Variants in DLG2 observed in about 807,000 individuals in gnomAD.
The protein encoded by DLG2 is disks large homolog 2.
In DLG2, 45 loss-of-function variants were observed where a neutral mutation model predicts 132.5. The ratio of observed to expected loss-of-function variants is 0.34; its 90% confidence interval spans 0.27 to 0.44. The LOEUF (loss-of-function observed/expected upper bound fraction) is 0.44, where lower values mean the gene tolerates loss of function less well. Among genes scored for constraint, DLG2 ranks in the 20% least tolerant of loss-of-function variants. The pLI is 1.00. For synonymous variants in DLG2, 424 were observed against 419.6 expected (o/e 1.01, Z -0.13); for missense variants, 1,045 against 1,196.9 (o/e 0.87, Z 1.87).
intron 18 of DLG2, among the ~76,000 whole-genome samples, chr11:83,673,689 AATGGTGGGTATCAT>A (rs1405869930): frequency 1.3e-5 from 2 of 152,298 alleles, no homozygotes; most frequent in Middle Eastern, 3.4e-3. Flanking sequence ...CATTGTGGGA[AATGGTGGGTATCAT>A]ATGTGCTGTC....
chr11:85,023,070 C>T (rs577505855), intron 6 of DLG2, among the ~76,000 whole-genome samples: 16 of 151,926 alleles, frequency 1.1e-4, no homozygotes, highest in South Asian at 1.0e-3. Flanking sequence ...TAAACAACAT[C>T]GATACTAAAA....
chr11:85,193,368 A>C (rs547226083), intron 4 of DLG2, among the ~76,000 whole-genome samples: 39 of 152,358 alleles, frequency 2.6e-4, no homozygotes, highest in African/African-American at 9.1e-4. Flanking sequence ...TAATGCTGCT[A>C]TGAACATTCA....
chr11:85,383,882 C>A (rs779130261), intron 3 of DLG2, among the ~76,000 whole-genome samples: 3 of 152,136 alleles, frequency 2.0e-5, no homozygotes, highest in Non-Finnish European at 4.4e-5. Context: ...CTTGAAAACA[C>A]CTCAGGCTTT....
In DLG2 at chr11:84,886,086, A is replaced by C. The variant is rs577102016; in HGVS notation, c.357+225575T>G. Among the ~76,000 whole-genome samples, 8 of 152,254 alleles carry C rather than the reference A, an allele frequency of 5.3e-5. No homozygotes were observed. In the East Asian group the frequency reaches 9.7e-4, roughly 18 times the overall value. Reference sequence around the variant, plus strand: ...GACTCACAAACACAAAAATCCCTTAAAGGAGTTTCAAAGAAGGGGAGGCAA... The same window carrying C: ...GACTCACAAACACAAAAATCCCTTACAGGAGTTTCAAAGAAGGGGAGGCAA... On this transcript the variant is annotated intron_variant, in intron 6 of 27. Transcript: ENST00000376104.
Position 84,748,067 on chromosome 11 carries a change from T to C in DLG2, c.358-213336A>G, listed in dbSNP as rs191754594. Among the ~76,000 whole-genome samples, 470 of 152,322 alleles carry C rather than the reference T, an allele frequency of 3.1e-3. 3 individuals are homozygous for C. The highest frequency in any genetic ancestry group is 4.4e-3 in the Non-Finnish European group (296 of 68,024). ...CTGCAACCAGTTTCCTGTGGTTTCT[T>C]GAGTAGAATCAAAGACACCTGACAG... On this transcript the variant is annotated intron_variant, in intron 6 of 27. Transcript: ENST00000376104.
At chr11:85,436,587 C>T (rs1248639789) in intron 3 of DLG2, among the ~76,000 whole-genome samples, 1 of 152,088 alleles carries the variant, frequency 6.6e-6, no homozygotes, top group Non-Finnish European at 1.5e-5. Flanking sequence ...TAGAGAAATG[C>T]AAATCCAAAC....
chr11:85,203,049 T>C (rs1192765726), intron 4 of DLG2, among the ~76,000 whole-genome samples: 2 of 150,308 alleles, frequency 1.3e-5, no homozygotes, highest in African/African-American at 4.9e-5. Context: ...AAATTTATTA[T>C]TTAATAATAA....
At chr11:84,372,218 C>A (rs1210612960) in intron 7 of DLG2, among the ~76,000 whole-genome samples, 1 of 152,162 alleles carries the variant, frequency 6.6e-6, no homozygotes, top group Non-Finnish European at 1.5e-5. Flanking sequence ...ATTCAGAAAG[C>A]ATCTGAAGTG....
chr11:84,574,419 T>C (rs887049173), intron 6 of DLG2, among the ~76,000 whole-genome samples: 4 of 152,180 alleles, frequency 2.6e-5, no homozygotes, highest in Non-Finnish European at 4.4e-5. Context: ...ATGTCAATGT[T>C]TACCTGTTTA....
intron 6 of DLG2, among the ~76,000 whole-genome samples, chr11:85,024,369 C>T (rs1297330726): frequency 1.3e-5 from 2 of 152,182 alleles, no homozygotes; most frequent in East Asian, 1.9e-4. Flanking sequence ...TCAAGGTAAA[C>T]GGCACCAAAA....
intron 6 of DLG2, among the ~76,000 whole-genome samples, chr11:84,584,596 C>A (rs2099524554): frequency 6.7e-6 from 1 of 149,558 alleles, no homozygotes; most frequent in African/African-American, 2.4e-5. Context: ...AAACTCCTGG[C>A]CTCAAGCAAT....
chr11:84,679,163 C>CA (rs56292714), intron 6 of DLG2, among the ~76,000 whole-genome samples: 25,732 of 150,934 alleles, frequency 0.17, 2,393 homozygotes, highest in Admixed American at 0.22. Flanking sequence ...AAATAAAAGA[C>CA]AAAAAAAACA....
chr11:83,474,391 T>A (rs2092407754), intron 22 of DLG2, among the ~76,000 whole-genome samples: 1 of 152,146 alleles, frequency 6.6e-6, no homozygotes, highest in Non-Finnish European at 1.5e-5. Context: ...AGGAAAATGC[T>A]GTGGGTCAAT....
intron 6 of DLG2, among the ~76,000 whole-genome samples, chr11:84,976,909 T>G (rs757345979): frequency 6.6e-6 from 1 of 152,186 alleles, no homozygotes; most frequent in South Asian, 2.1e-4. Flanking sequence ...ACATATCTCC[T>G]GTTTTACATT....
At chr11:85,333,270 T>C (rs2081897830) in intron 3 of DLG2, among the ~76,000 whole-genome samples, 2 of 152,210 alleles carry the variant, frequency 1.3e-5, no homozygotes, top group Admixed American at 1.3e-4. Flanking sequence ...GAAATGCTAC[T>C]AATTCCTGTA....
chr11:84,646,580 TA>T (rs2099675219), intron 6 of DLG2, among the ~76,000 whole-genome samples: 1 of 149,636 alleles, frequency 6.7e-6, no homozygotes, highest in African/African-American at 2.5e-5. Flanking sequence ...CTGACAGAAA[TA>T]ACCAGAATCC....
chr11:85,335,796 G>A (rs1420334992), intron 3 of DLG2, among the ~76,000 whole-genome samples: 2 of 152,018 alleles, frequency 1.3e-5, no homozygotes, highest in African/African-American at 4.8e-5. Context: ...GACCTATCAG[G>A]GGGTGGGGGA....
intron 18 of DLG2, among the ~76,000 whole-genome samples, chr11:83,732,798 A>G (rs1443169887): frequency 1.3e-5 from 2 of 152,164 alleles, no homozygotes; most frequent in Non-Finnish European, 2.9e-5. Flanking sequence ...TCATAGTTTC[A>G]TGCTCCAACT....
intron 18 of DLG2, among the ~76,000 whole-genome samples, chr11:83,704,319 C>T (rs929818971): frequency 1.3e-5 from 2 of 152,090 alleles, no homozygotes; most frequent in South Asian, 2.1e-4. Flanking sequence ...TATAATATAA[C>T]CTCCCTTATG....
Sources: allele counts gnomAD v4.1 joint callset (sites outside exome capture counted in the v4.1 genomes callset), GRCh38; gene constraint gnomAD v4.1.1; transcripts MANE v1.5; gene names NCBI Gene and HGNC (gene_info 2026-07-23, HGNC 2026-07-21).